Variants in PLCB1 observed in about 807,000 individuals in gnomAD.
The protein encoded by PLCB1 is phospholipase C beta 1.
PLCB1 carries 46 observed loss-of-function variants against 161.8 expected under a neutral mutation model. The observed-to-expected ratio is 0.28, with a 90% confidence interval of 0.22 to 0.36. The LOEUF (loss-of-function observed/expected upper bound fraction) is 0.36. PLCB1 is among the 10% of genes least tolerant of loss of function. PLCB1 has a pLI of 1.00. For synonymous variants in PLCB1, 517 were observed against 503.7 expected, an observed-to-expected ratio of 1.03 and a Z score of -0.35; for missense variants, 1,016 against 1,472.5, an observed-to-expected ratio of 0.69 and a Z score of 5.07.
chr20:8,684,955 A>G lies in PLCB1; in HGVS notation c.886A>G (p.Met296Val), dbSNP rs1395276749. Residue 296 changes from methionine (M) to valine (V), a missense_variant, in exon 10 of 32, where the codon ATG (methionine) becomes GTG (valine). By Grantham distance (21) the Met-to-Val change is conservative (BLOSUM62 1). Transcript: ENST00000338037. Reference protein sequence around the residue: ...RKGQISVDGFMRYLSGEENGV... With the variant: ...RKGQISVDGFVRYLSGEENGV... ...AGGACAAATATCAGTGGATGGGTTC[A>G]TGCGCTATCTGAGTGGAGAAGAAAA... The G allele has an allele frequency of 1.9e-6, 3 of 1,613,820 alleles. No individual in the cohort carries two copies. The highest frequency in any genetic ancestry group is 1.3e-5 in the African/African-American group (1 of 74,894).
At chr20:8,471,139 C>T (rs2122715246) in intron 3 of PLCB1, among the ~76,000 whole-genome samples, 1 of 152,196 alleles carries the variant, frequency 6.6e-6, no homozygotes, top group South Asian at 2.1e-4. Context: ...TTAATACCAC[C>T]ATTTTCCAAA....
intron 2 of PLCB1, among the ~76,000 whole-genome samples, chr20:8,181,712 C>T (rs61180353): frequency 0.068 from 10,357 of 152,148 alleles, 448 homozygotes; most frequent in Middle Eastern, 0.16. Context: ...TGGTGGCTCA[C>T]ACCTGTAATC....
chr20:8,760,961 A>T (rs1981991786), intron 25 of PLCB1, among the ~76,000 whole-genome samples: 1 of 152,240 alleles, frequency 6.6e-6, no homozygotes, highest in Admixed American at 6.5e-5. Flanking sequence ...GTGGAATCTT[A>T]AAAATGTTTA....
intron 2 of PLCB1, among the ~76,000 whole-genome samples, chr20:8,171,816 A>G (rs755211720): frequency 2.0e-5 from 3 of 152,188 alleles, no homozygotes; most frequent in Non-Finnish European, 4.4e-5. Flanking sequence ...CCAGAAATTC[A>G]TCTGAGAGCA....
chr20:8,769,499 T>C (rs1299013705), intron 26 of PLCB1, among the ~76,000 whole-genome samples: 1 of 152,178 alleles, frequency 6.6e-6, no homozygotes, highest in Non-Finnish European at 1.5e-5. Flanking sequence ...TCTTATCAGA[T>C]AGCCTATTTT....
At chr20:8,564,316 A>C (rs901288661) in intron 3 of PLCB1, among the ~76,000 whole-genome samples, 1 of 152,180 alleles carries the variant, frequency 6.6e-6, no homozygotes, top group Non-Finnish European at 1.5e-5. Flanking sequence ...CCTTCCTTAC[A>C]CCTTATACAA....
At chr20:8,805,538 C>T (rs926149730) in intron 31 of PLCB1, among the ~76,000 whole-genome samples, 1 of 152,168 alleles carries the variant, frequency 6.6e-6, no homozygotes, top group Non-Finnish European at 1.5e-5. Context: ...CGTAGAAAGG[C>T]ATCAAAATAT....
intron 3 of PLCB1, among the ~76,000 whole-genome samples, chr20:8,624,208 G>A (rs1273179830): frequency 6.6e-6 from 1 of 152,136 alleles, no homozygotes; most frequent in African/African-American, 2.4e-5. Flanking sequence ...CCTCTTATAT[G>A]CTTGATGATT....
chr20:8,345,503 G>A (rs574578336), intron 2 of PLCB1, among the ~76,000 whole-genome samples: 40 of 152,304 alleles, frequency 2.6e-4, no homozygotes, highest in African/African-American at 7.7e-4. Flanking sequence ...GCAAATGATC[G>A]TAGTTGCCTG....
chr20:8,644,648 T>C (rs1228651245), intron 4 of PLCB1, among the ~76,000 whole-genome samples: 32 of 144,026 alleles, frequency 2.2e-4, no homozygotes, highest in African/African-American at 7.9e-4. Context: ...GCAGCCAACC[T>C]GTCTGGGAAG....
chr20:8,515,960 C>A (rs77806101), intron 3 of PLCB1, among the ~76,000 whole-genome samples: 13,767 of 152,190 alleles, frequency 0.09, 678 homozygotes, highest in Middle Eastern at 0.12. Context: ...AGGCCTCACA[C>A]TCATGGCAGA....
At chr20:8,819,185 A>G (rs921730602) in intron 31 of PLCB1, among the ~76,000 whole-genome samples, 5 of 152,206 alleles carry the variant, frequency 3.3e-5, no homozygotes, top group African/African-American at 1.2e-4. Flanking sequence ...TAACATTGGC[A>G]CAAATATGTG....
rs113727213 is a variant in PLCB1 at position 8,247,641 on chromosome 20, AAC to A, written c.177+97295_177+97296del. On this transcript the variant is annotated intron_variant, in intron 2 of 31. Coordinates refer to ENST00000338037, the MANE Select transcript of PLCB1 (RefSeq NM_015192.4). ...CAGCACACACACACACATACACGCA[AAC>A]ACACACACACACACACACACACACT... Among the ~76,000 whole-genome samples, 417 of 146,800 alleles carry A rather than the reference AAC, an allele frequency of 2.8e-3. 2 individuals are homozygous for A. The highest frequency in any genetic ancestry group is 0.015 in the East Asian group (74 of 5,022).
intron 2 of PLCB1, among the ~76,000 whole-genome samples, chr20:8,326,680 T>C (rs984975703): frequency 1.3e-5 from 2 of 152,198 alleles, no homozygotes; most frequent in South Asian, 4.1e-4. Context: ...CAATGTCTTT[T>C]ACTTTTTTAA....
At chr20:8,257,299 C>A (rs369191764) in intron 2 of PLCB1, among the ~76,000 whole-genome samples, 12 of 151,994 alleles carry the variant, frequency 7.9e-5, no homozygotes, top group Non-Finnish European at 1.5e-5. Flanking sequence ...TTTTACACAA[C>A]TGTTTCTTAT....
At chr20:8,205,139 A>T (rs1321171330) in intron 2 of PLCB1, among the ~76,000 whole-genome samples, 3 of 152,184 alleles carry the variant, frequency 2.0e-5, no homozygotes, top group Non-Finnish European at 4.4e-5. Flanking sequence ...TAGTTGATTT[A>T]ATGTTGTTAT....
At chr20:8,541,340 C>T (rs747040050) in intron 3 of PLCB1, among the ~76,000 whole-genome samples, 2 of 152,026 alleles carry the variant, frequency 1.3e-5, no homozygotes, top group Admixed American at 6.6e-5. Flanking sequence ...CTTTGAAAGC[C>T]TTGGAGCAGA....
At chr20:8,332,556 TG>T (rs1985405377) in intron 2 of PLCB1, among the ~76,000 whole-genome samples, 1 of 152,246 alleles carries the variant, frequency 6.6e-6, no homozygotes, top group Non-Finnish European at 1.5e-5. Flanking sequence ...CTCTATAGTG[TG>T]GTAACTATGA....
chr20:8,490,529 T>G (rs1403578715), intron 3 of PLCB1, among the ~76,000 whole-genome samples: 2 of 152,176 alleles, frequency 1.3e-5, no homozygotes, highest in Admixed American at 1.3e-4. Flanking sequence ...ATAGATAAAT[T>G]TTGTAAGCAA....
Sources: allele counts gnomAD v4.1 joint callset (sites outside exome capture counted in the v4.1 genomes callset), GRCh38; gene constraint gnomAD v4.1.1; transcripts MANE v1.5; gene names NCBI Gene and HGNC (gene_info 2026-07-23, HGNC 2026-07-21).